TNIP1: variants seen among roughly 807,000 people sequenced by gnomAD.
TNIP1 encodes TNFAIP3 interacting protein 1.
A neutral mutation model predicts 86.6 loss-of-function variants in TNIP1; 22 were observed. That is an observed-to-expected ratio of 0.25 (90% CI 0.18 to 0.36). The LOEUF is 0.36. Ranked by LOEUF, TNIP1 falls within the 10% of genes least tolerant of loss-of-function variation. The pLI, the probability that TNIP1 is intolerant of heterozygous loss-of-function variation, is 1.00. For missense variants in TNIP1, 709 were observed against 820.6 expected (o/e 0.86, Z 1.66); for synonymous variants, 294 against 313.0 (o/e 0.94, Z 0.64).
intron 1 of TNIP1, among the ~76,000 whole-genome samples, chr5:151,080,619 C>T (rs1025310023): frequency 5.3e-5 from 8 of 152,252 alleles, no homozygotes; most frequent in Non-Finnish European, 4.4e-5. Context: ...TCTGCGCTCT[C>T]TACAACCGCC....
chr5:151,048,525 C>G (rs563263264), intron 8 of TNIP1, among the ~76,000 whole-genome samples: 1 of 152,338 alleles, frequency 6.6e-6, no homozygotes, highest in African/African-American at 2.4e-5. Context: ...CGTCGCCCCT[C>G]TGTAACACAT....
chr5:151,065,199 C>G, intron 1 of TNIP1, 68 bp from the exon 2 acceptor site: 1 of 1,403,492 alleles, frequency 7.1e-7, no homozygotes, highest in South Asian at 1.3e-5. Context: ...CAGAGAAGCT[C>G]TAGTCTGTCA....
chr5:151,079,514 C>T (rs1011601025), intron 1 of TNIP1, among the ~76,000 whole-genome samples: 2 of 152,000 alleles, frequency 1.3e-5, no homozygotes, highest in African/African-American at 4.8e-5. Context: ...ATCCCAGCTA[C>T]TCGGGAGGCT....
At chr5:151,073,175 T>C (rs1429602208) in intron 1 of TNIP1, among the ~76,000 whole-genome samples, 1 of 139,566 alleles carries the variant, frequency 7.2e-6, no homozygotes, top group East Asian at 2.1e-4. Flanking sequence ...TAAGCCGAGA[T>C]CACGCCACAG....
intron 7 of TNIP1, among the ~76,000 whole-genome samples, chr5:151,050,899 C>G (rs1759842841): frequency 6.6e-6 from 1 of 152,138 alleles, no homozygotes; most frequent in African/African-American, 2.4e-5. Flanking sequence ...TGGTCTCAAA[C>G]TCATGGACTC....
At chr5:151,045,185 G>A (rs1017159818) in intron 9 of TNIP1, among the ~76,000 whole-genome samples, 6 of 152,146 alleles carry the variant, frequency 3.9e-5, no homozygotes, top group South Asian at 4.2e-4. Context: ...TCAGCCTCCC[G>A]GGTTCAAGTA....
chr5:151,045,224 GGA>G (rs1758993588), intron 9 of TNIP1, among the ~76,000 whole-genome samples: 1 of 152,080 alleles, frequency 6.6e-6, no homozygotes, highest in South Asian at 2.1e-4. Context: ...TGAGTGGGTG[GGA>G]TTACAGGCAT....
intron 8 of TNIP1, among the ~76,000 whole-genome samples, chr5:151,048,873 C>T (rs541132784): frequency 3.4e-4 from 52 of 152,266 alleles, no homozygotes; most frequent in Admixed American, 2.7e-3. Context: ...TTTCCCTGGC[C>T]GTACCCTACA....
intron 16 of TNIP1, 97 bp downstream of exon 16, chr5:151,033,511 A>G: frequency 1.2e-6 from 1 of 818,900 alleles, no homozygotes; most frequent in Non-Finnish European, 1.9e-6. Context: ...GTTCAGAAGG[A>G]TGCAGTTTCT....
rs116305928 is a variant in TNIP1, at chr5:151,070,676, G to A, written c.-36-5545C>T. 3.8e-3 allele frequency among the ~76,000 whole-genome samples: 572 copies of A among 152,310 alleles called. 6 individuals are homozygous for A. The highest frequency in any genetic ancestry group is 0.013 in the African/African-American group (559 of 41,550). ...ACCCAAGGATGAAAGGAAGTGAGATGCCATGATATCACATTGCAGACATAA... is the reference window on the plus strand; with the variant it reads ...ACCCAAGGATGAAAGGAAGTGAGATACCATGATATCACATTGCAGACATAA... On this transcript the variant is annotated intron_variant, in intron 1 of 17. Transcript: ENST00000521591.
At chr5:151,076,366 A>G (rs571698162) in intron 1 of TNIP1, among the ~76,000 whole-genome samples, 1 of 152,316 alleles carries the variant, frequency 6.6e-6, no homozygotes, top group African/African-American at 2.4e-5. Context: ...GCAAGAATCT[A>G]GGAGGGCAGG....
intron 1 of TNIP1, among the ~76,000 whole-genome samples, chr5:151,075,627 A>G (rs1480876098): frequency 6.6e-6 from 1 of 152,230 alleles, no homozygotes; most frequent in Non-Finnish European, 1.5e-5. Context: ...GCTTAGGACA[A>G]TATTTTCTAA....
intron 1 of TNIP1, among the ~76,000 whole-genome samples, chr5:151,074,115 G>A (rs772986781): frequency 6.6e-6 from 1 of 152,174 alleles, no homozygotes; most frequent in Non-Finnish European, 1.5e-5. Flanking sequence ...AGAGGAAGGG[G>A]AAAGGAAGGA....
intron 16 of TNIP1, chr5:151,032,779 G>A: frequency 4.5e-6 from 1 of 221,236 alleles, no homozygotes; most frequent in South Asian, 5.7e-5. Context: ...CTGTGGCAGA[G>A]GACTGGGGAA....
intron 1 of TNIP1, among the ~76,000 whole-genome samples, chr5:151,076,794 A>C (rs1763444907): frequency 2.0e-5 from 3 of 152,328 alleles, no homozygotes; most frequent in South Asian, 4.1e-4. Flanking sequence ...CGAGGTGGAA[A>C]GCGCCCTGAT....
At chr5:151,057,175 G>A (rs536909978) in intron 5 of TNIP1, among the ~76,000 whole-genome samples, 6 of 152,338 alleles carry the variant, frequency 3.9e-5, no homozygotes, top group South Asian at 2.1e-4. Context: ...CCACAGCAGC[G>A]GGGCCACCAT....
chr5:151,082,442 C>G (rs889598600), upstream of TNIP1, among the ~76,000 whole-genome samples: 2 of 152,128 alleles, frequency 1.3e-5, no homozygotes, highest in African/African-American at 4.8e-5. Flanking sequence ...ATAGCAGCTC[C>G]CAGGCATCGT....
At chr5:151,047,446 G>C (rs1759322166) in intron 8 of TNIP1, among the ~76,000 whole-genome samples, 1 of 152,158 alleles carries the variant, frequency 6.6e-6, no homozygotes, top group Admixed American at 6.5e-5. Flanking sequence ...AGGGAGAAGA[G>C]ACAACTGAAT....
At chr5:151,038,492 C>T (rs189846315) in intron 12 of TNIP1, among the ~76,000 whole-genome samples, 95 of 152,296 alleles carry the variant, frequency 6.2e-4, no homozygotes, top group Middle Eastern at 3.4e-3. Context: ...TAGACCACTC[C>T]GCTTGGCTCA....
Sources: gnomAD v4.1 joint callset for allele counts (sites outside exome capture counted in the v4.1 genomes callset) on GRCh38, gnomAD v4.1.1 for gene constraint, MANE v1.5 for transcripts, NCBI Gene and HGNC (gene_info 2026-07-23, HGNC 2026-07-21) for gene names.